The following TRHDE variants were observed in gnomAD, a reference collection of about 807,000 sequenced individuals.
TRHDE encodes the protein thyrotropin releasing hormone degrading enzyme.
In TRHDE, 72 loss-of-function variants were observed where a neutral mutation model predicts 125.7. The observed-to-expected ratio is 0.57, with a 90% CI of 0.47 to 0.70. The LOEUF is 0.70. Ranked by LOEUF, TRHDE falls within the 30% of genes least tolerant of loss-of-function variation. TRHDE has a pLI of 0.00. For missense variants in TRHDE, 1,110 were observed against 1,327.1 expected, an observed-to-expected ratio of 0.84 and a Z score of 2.54; for synonymous variants, 509 against 509.1, an observed-to-expected ratio of 1.00 and a Z score of 0.00.
At chr12:72,124,561 A>T (rs963845657) in intron 2 of TRHDE, among the ~76,000 whole-genome samples, 13 of 152,190 alleles carry the variant, frequency 8.5e-5, no homozygotes, top group Admixed American at 7.2e-4. Context: ...GTAAAGTCTG[A>T]TAATGTCAAG....
At chr12:72,337,447 TA>T (rs1267937616) in intron 2 of TRHDE, among the ~76,000 whole-genome samples, 8 of 152,200 alleles carry the variant, frequency 5.3e-5, no homozygotes, top group African/African-American at 1.7e-4. Context: ...AAGGGAGAAG[TA>T]AATCTAAAAC....
chr12:72,423,637 A>G (rs1874055466), intron 3 of TRHDE, among the ~76,000 whole-genome samples: 1 of 152,254 alleles, frequency 6.6e-6, no homozygotes, highest in African/African-American at 2.4e-5. Context: ...TTGGGAAACT[A>G]TGGGTATGTT....
rs1876883461 is a variant in TRHDE at position 72,171,952 on chromosome 12, A to G, written n.279+66200A>G. On this transcript the variant is annotated intron_variant and non_coding_transcript_variant, in intron 2 of 4. Transcript: ENST00000548156. ...TATACTACATGAGCCTTCAGTCTTC[A>G]CATGCCCACTGTTCAATTGCCCTGT... Among the ~76,000 whole-genome samples the G allele has an allele frequency of 3.9e-5, 6 of 152,310 alleles. No homozygotes were observed. In the South Asian group the frequency reaches 1.2e-3, roughly 32 times the overall value.
At chr12:72,330,993 T>G (rs1321199534) in intron 2 of TRHDE, among the ~76,000 whole-genome samples, 1 of 152,206 alleles carries the variant, frequency 6.6e-6, no homozygotes, top group Non-Finnish European at 1.5e-5. Flanking sequence ...TGCTAGCTGT[T>G]GCTCCGAGAA....
At chr12:72,260,174 C>T (rs933905202) in intron 2 of TRHDE, among the ~76,000 whole-genome samples, 5 of 151,926 alleles carry the variant, frequency 3.3e-5, no homozygotes, top group African/African-American at 1.2e-4. Flanking sequence ...TGCTTCTTAC[C>T]TTATATGCTG....
At chr12:72,498,891 A>G (rs1411890722) in intron 5 of TRHDE, among the ~76,000 whole-genome samples, 1 of 151,814 alleles carries the variant, frequency 6.6e-6, no homozygotes, top group Non-Finnish European at 1.5e-5. Flanking sequence ...AACACCCACC[A>G]GTATTCTAGC....
intron 3 of TRHDE, among the ~76,000 whole-genome samples, chr12:72,432,672 T>C (rs1028518618): frequency 6.6e-6 from 1 of 152,068 alleles, no homozygotes; most frequent in African/African-American, 2.4e-5. Flanking sequence ...GGAGAAGCGA[T>C]TGGGAGGAGA....
chr12:72,511,441 C>T (rs1878577112), intron 6 of TRHDE, among the ~76,000 whole-genome samples: 3 of 152,122 alleles, frequency 2.0e-5, no homozygotes, highest in South Asian at 4.1e-4. Flanking sequence ...TATTAAACAT[C>T]ATCAAAATAA....
chr12:72,625,176 G>A (rs963173527), intron 15 of TRHDE, among the ~76,000 whole-genome samples: 4 of 151,736 alleles, frequency 2.6e-5, no homozygotes, highest in Admixed American at 2.0e-4. Context: ...TGGTATTATA[G>A]GGTTTTCTCT....
At chr12:72,630,510 C>CAAGT (rs1873449210) in intron 15 of TRHDE, among the ~76,000 whole-genome samples, 1 of 151,608 alleles carries the variant, frequency 6.6e-6, no homozygotes, top group Non-Finnish European at 1.5e-5. Flanking sequence ...TTCAAGCCAC[C>CAAGT]AAGTTTATGG....
At chr12:72,460,950 A>C (rs140132961) in intron 3 of TRHDE, among the ~76,000 whole-genome samples, 1 of 152,318 alleles carries the variant, frequency 6.6e-6, no homozygotes, top group East Asian at 1.9e-4. Flanking sequence ...CAACACATGT[A>C]AAGTGTTCTT....
chr12:72,092,698 G>T (rs555264895), intron 1 of TRHDE, among the ~76,000 whole-genome samples: 1 of 152,130 alleles, frequency 6.6e-6, no homozygotes, highest in Non-Finnish European at 1.5e-5. Context: ...TAGTCTAGGG[G>T]CATGTGCTTT....
chr12:72,118,053 A>G (rs1414788300), intron 2 of TRHDE, among the ~76,000 whole-genome samples: 1 of 151,874 alleles, frequency 6.6e-6, no homozygotes, highest in African/African-American at 2.4e-5. Flanking sequence ...CAATTTGGAT[A>G]TCCTTTCTTT....
chr12:72,477,574 G>A (rs184748285), intron 5 of TRHDE, among the ~76,000 whole-genome samples: 6 of 152,234 alleles, frequency 3.9e-5, no homozygotes, highest in Admixed American at 1.3e-4. Context: ...CAACATTATT[G>A]GATGGATTAA....
rs1430839710 is a variant in TRHDE at position 72,668,341 on chromosome 12, CAT to C, written c.*5151_*5152del. ...ATATGTTCTAATGTTAACTATATGACATATATGCCATTGCATGCATTTTGTTT... is the reference window on the plus strand; with the variant it reads ...ATATGTTCTAATGTTAACTATATGACATATGCCATTGCATGCATTTTGTTT... On this transcript the variant is annotated 3_prime_UTR_variant, in exon 19 of 19. Coordinates refer to ENST00000261180, the MANE Select transcript of TRHDE (RefSeq NM_013381.3). 1 of 151,620 alleles carries C rather than the reference CAT, an allele frequency of 6.6e-6. No individual in the cohort carries two copies. The highest frequency in any genetic ancestry group is 2.4e-5 in the African/African-American group (1 of 41,396). The allele number at this position is 151,620 out of a possible 1,614,324, so 9.4% of individuals were successfully genotyped here. A position where few individuals can be genotyped will look rare whatever the true frequency, so the allele number is the denominator to read the frequency against.
chr12:72,184,508 G>A (rs1367969472), intron 2 of TRHDE, among the ~76,000 whole-genome samples: 1 of 152,144 alleles, frequency 6.6e-6, no homozygotes, highest in Non-Finnish European at 1.5e-5. Flanking sequence ...AGAGATGAAG[G>A]TTTTAACTCT....
At chr12:72,351,626 G>T (rs928807928) in intron 2 of TRHDE, among the ~76,000 whole-genome samples, 8 of 151,768 alleles carry the variant, frequency 5.3e-5, no homozygotes, top group African/African-American at 1.9e-4. Flanking sequence ...ACTACCACCT[G>T]GTCCAAGCTG....
chr12:72,176,148 G>C (rs1876983152), intron 2 of TRHDE, among the ~76,000 whole-genome samples: 1 of 152,118 alleles, frequency 6.6e-6, no homozygotes, highest in Admixed American at 6.5e-5. Context: ...CTTGAGCCTA[G>C]GAGTTTGAGA....
Position 72,347,970 on chromosome 12 carries a change from C to A in TRHDE, c.1189-30025C>A, listed in dbSNP as rs186731982. Among the ~76,000 whole-genome samples the A allele has an allele frequency of 3.0e-3, 450 of 152,068 alleles. 1 individual carries two copies. Among genetic ancestry groups the A allele is most frequent in the Non-Finnish European group, 5.2e-3 (352 of 67,966 alleles). Reference sequence around the variant, plus strand: ...GCAGGGGGACATCACTGGGGGCCCGCTTAGAAAGGCTACCCACACACAGGC... The same window carrying A: ...GCAGGGGGACATCACTGGGGGCCCGATTAGAAAGGCTACCCACACACAGGC... On this transcript the variant is annotated intron_variant, in intron 2 of 18. Transcript: ENST00000261180.
Sources: allele counts gnomAD v4.1 joint callset (sites outside exome capture counted in the v4.1 genomes callset), GRCh38; gene constraint gnomAD v4.1.1; transcripts MANE v1.5; gene names NCBI Gene and HGNC (gene_info 2026-07-23, HGNC 2026-07-21).